Variants in BTBD10 observed in about 807,000 individuals in gnomAD.
The protein encoded by BTBD10 is BTB domain containing 10.
In BTBD10, 21 loss-of-function variants were observed where a neutral mutation model predicts 53.2. The observed-to-expected ratio is 0.39, with a 90% CI of 0.28 to 0.57. The LOEUF is 0.57. BTBD10 is among the 20% of genes least tolerant of loss of function. The pLI, the probability that BTBD10 is intolerant of heterozygous loss-of-function variation, is 0.53. For synonymous variants in BTBD10, 149 were observed against 192.7 expected (o/e 0.77, Z 1.88); for missense variants, 360 against 594.7 (o/e 0.61, Z 4.10).
intron 3 of BTBD10, among the ~76,000 whole-genome samples, chr11:13,420,630 T>C (rs1403443603): frequency 1.3e-5 from 2 of 152,120 alleles, no homozygotes; most frequent in Admixed American, 6.5e-5. Flanking sequence ...TTTTGCCAAA[T>C]TCCTCTATGA....
At chr11:13,457,906 T>C (rs1215387350) in intron 1 of BTBD10, among the ~76,000 whole-genome samples, 61 of 152,200 alleles carry the variant, frequency 4.0e-4, no homozygotes, top group Admixed American at 3.8e-3. Flanking sequence ...CCCAGTTGCA[T>C]GTAATACCCA....
intron 4 of BTBD10, among the ~76,000 whole-genome samples, chr11:13,418,394 CG>C (rs888507620): frequency 1.6e-4 from 24 of 152,024 alleles, no homozygotes; most frequent in African/African-American, 2.4e-4. Flanking sequence ...CACTTTAAAA[CG>C]TTTTTTTAAG....
chr11:13,427,594 G>A (rs1950365652), intron 2 of BTBD10, among the ~76,000 whole-genome samples: 1 of 152,108 alleles, frequency 6.6e-6, no homozygotes, highest in Admixed American at 6.5e-5. Flanking sequence ...AGTAGGGATT[G>A]ATGAGATTTG....
At chr11:13,434,709 A>G (rs1950515927) in intron 2 of BTBD10, among the ~76,000 whole-genome samples, 1 of 152,240 alleles carries the variant, frequency 6.6e-6, no homozygotes, top group South Asian at 2.1e-4. Context: ...AATGGGAGAA[A>G]GGAGACAAAG....
chr11:13,395,699 T>C (rs1044845193), intron 8 of BTBD10, among the ~76,000 whole-genome samples: 117 of 152,334 alleles, frequency 7.7e-4, no homozygotes, highest in Non-Finnish European at 1.5e-3. Flanking sequence ...TTAATCCATC[T>C]TGAATTAATT....
intron 8 of BTBD10, among the ~76,000 whole-genome samples, chr11:13,401,537 A>G (rs1273120490): frequency 1.3e-5 from 2 of 152,214 alleles, no homozygotes; most frequent in African/African-American, 4.8e-5. Flanking sequence ...GAGGATTTAA[A>G]GGATGGATAA....
intron 8 of BTBD10, among the ~76,000 whole-genome samples, chr11:13,394,205 T>G (rs1365856907): frequency 6.6e-6 from 1 of 152,198 alleles, no homozygotes; most frequent in East Asian, 1.9e-4. Flanking sequence ...CAGATATGGT[T>G]TGGCTCTGTG....
intron 2 of BTBD10, among the ~76,000 whole-genome samples, chr11:13,431,664 A>G (rs763520309): frequency 8.5e-5 from 13 of 152,160 alleles, no homozygotes; most frequent in Non-Finnish European, 1.9e-4. Flanking sequence ...GCAAATATCT[A>G]TTGCTTCTTG....
At chr11:13,438,710 G>C (rs1190481096) in intron 2 of BTBD10, among the ~76,000 whole-genome samples, 1 of 151,432 alleles carries the variant, frequency 6.6e-6, no homozygotes, top group African/African-American at 2.4e-5. Flanking sequence ...TTTTATAATA[G>C]AAAAACTTAT....
intron 8 of BTBD10, among the ~76,000 whole-genome samples, chr11:13,402,880 C>A (rs1019612797): frequency 1.4e-4 from 21 of 152,142 alleles, no homozygotes; most frequent in African/African-American, 4.3e-4. Flanking sequence ...TCCACACACA[C>A]CACATGGGCT....
Position 13,388,729 on chromosome 11 carries a change from T to C in BTBD10, c.*102A>G, listed in dbSNP as rs1949322457. ...CACTGCAATATCCTAAACATTGTTA[T>C]GTGCATCTCACAATGAAGAAGAGTG... On this transcript the variant is annotated 3_prime_UTR_variant, in exon 9 of 9. Transcript: ENST00000278174. 6.4e-6 allele frequency: 8 copies of C among 1,247,590 alleles called. No individual in the cohort carries two copies. Among genetic ancestry groups the C allele is most frequent in the South Asian group, 2.8e-5 (2 of 71,314 alleles). The allele number at this position is 1,247,590 out of a possible 1,614,324, so 77.3% of individuals were successfully genotyped here. A position where few individuals can be genotyped will look rare whatever the true frequency, so the allele number is the denominator to read the frequency against.
chr11:13,405,559 G>T, intron 7 of BTBD10, 100 bp downstream of exon 7: 1 of 1,293,768 alleles, frequency 7.7e-7, no homozygotes. Flanking sequence ...TGATGGGCTG[G>T]ATTGACCCCC....
intron 1 of BTBD10, among the ~76,000 whole-genome samples, chr11:13,460,221 C>T (rs900448995): frequency 1.2e-4 from 19 of 152,176 alleles, no homozygotes; most frequent in African/African-American, 4.1e-4. Context: ...GTAGTCTCTG[C>T]ACAAGTTATG....
At position 13,451,619 on chromosome 11, in the gene BTBD10, G is replaced by A. The variant is rs184198171; in HGVS notation, c.-57-6438C>T. 1.3e-4 allele frequency among the ~76,000 whole-genome samples: 20 copies of A among 152,312 alleles called. No homozygotes were observed. The East Asian group carries it at 3.7e-3, about 28-fold the overall frequency. ...AAACAAGTTTGCAGTTTGAATCCAA[G>A]CAAGTTAACATTCTCTAAAACAATA... On this transcript the variant is annotated intron_variant, in intron 1 of 8. Coordinates refer to ENST00000278174, the MANE Select transcript of BTBD10 (RefSeq NM_032320.7).
At chr11:13,433,035 A>T (rs1950480262) in intron 2 of BTBD10, among the ~76,000 whole-genome samples, 1 of 152,156 alleles carries the variant, frequency 6.6e-6, no homozygotes, top group Non-Finnish European at 1.5e-5. Flanking sequence ...CTCTGTAAAA[A>T]ACTATATGTC....
chr11:13,400,638 T>C (rs1949693843), intron 8 of BTBD10, among the ~76,000 whole-genome samples: 1 of 152,236 alleles, frequency 6.6e-6, no homozygotes, highest in African/African-American at 2.4e-5. Flanking sequence ...TCTGCGTCGC[T>C]CACGCTGGAA....
At chr11:13,420,295 T>C (rs1301687386) in intron 3 of BTBD10, among the ~76,000 whole-genome samples, 2 of 150,694 alleles carry the variant, frequency 1.3e-5, no homozygotes, top group African/African-American at 2.4e-5. Flanking sequence ...AAGAAAGAAA[T>C]TCACTAAGGG....
intron 5 of BTBD10, among the ~76,000 whole-genome samples, chr11:13,415,468 A>G (rs1436217532): frequency 6.6e-6 from 1 of 152,100 alleles, no homozygotes; most frequent in East Asian, 1.9e-4. Flanking sequence ...CCTGTGACAA[A>G]TCAAGCAGCT....
chr11:13,395,778 C>A (rs1454210185), intron 8 of BTBD10, among the ~76,000 whole-genome samples: 1 of 152,152 alleles, frequency 6.6e-6, no homozygotes, highest in African/African-American at 2.4e-5. Flanking sequence ...TTTCCCAGCA[C>A]CATCTATTAA....
Sources: allele counts gnomAD v4.1 joint callset (sites outside exome capture counted in the v4.1 genomes callset), GRCh38; gene constraint gnomAD v4.1.1; transcripts MANE v1.5; gene names NCBI Gene and HGNC (gene_info 2026-07-23, HGNC 2026-07-21).